PTPRN2: variants seen among roughly 807,000 people sequenced by gnomAD.
The protein encoded by PTPRN2 is protein tyrosine phosphatase receptor type N2.
A neutral mutation model predicts 118.8 loss-of-function variants in PTPRN2; 74 were observed. That is an observed-to-expected ratio of 0.62 (90% CI 0.52 to 0.76). The LOEUF (loss-of-function observed/expected upper bound fraction) is 0.76. Among genes scored for constraint, PTPRN2 ranks in the 30% least tolerant of loss-of-function variants. The probability of loss-of-function intolerance (pLI) is 0.00; values close to 1 mark genes in which losing one functional copy is unlikely to be tolerated. For synonymous variants in PTPRN2, 641 were observed against 608.0 expected, an observed-to-expected ratio of 1.05 and a Z score of -0.80; for missense variants, 1,481 against 1,394.4, an observed-to-expected ratio of 1.06 and a Z score of -0.99.
chr7:158,114,145 G>A (rs1816535752), intron 9 of PTPRN2, among the ~76,000 whole-genome samples: 1 of 152,212 alleles, frequency 6.6e-6, no homozygotes, highest in Non-Finnish European at 1.5e-5. Flanking sequence ...TTACAGCAAT[G>A]GAAAGGTGAG....
chr7:157,545,048 G>A (rs994790552), intron 22 of PTPRN2, among the ~76,000 whole-genome samples: 13 of 149,572 alleles, frequency 8.7e-5, no homozygotes, highest in African/African-American at 3.0e-4. Context: ...CTGTGGAGGT[G>A]TGTGGGTGTG....
intron 15 of PTPRN2, chr7:157,616,552 C>T (rs1802785476): frequency 6.6e-6 from 1 of 152,206 alleles, no homozygotes; most frequent in Admixed American, 6.5e-5. Flanking sequence ...CTTTCCAACA[C>T]CAACAAACCG....
Position 158,022,013 on chromosome 7 carries a change from T to C in PTPRN2, c.1723+59285A>G, listed in dbSNP as rs377520623. Among the ~76,000 whole-genome samples the C allele has an allele frequency of 2.3e-4, 35 of 152,138 alleles. 1 individual carries two copies. The highest frequency in any genetic ancestry group is 8.4e-4 in the African/African-American group (35 of 41,518). ...TGGCTGAGCCGGGCAGCCTCGCCCA[T>C]CCACCATGAGGCGAGACCCCACACT... On this transcript the variant is annotated intron_variant, in intron 11 of 22. Transcript: ENST00000389418. This position sits in a 1 kb window ranked among gnomAD's most constrained non-coding sequence, Gnocchi z 4.6.
chr7:158,416,458 T>G (rs573961291), intron 2 of PTPRN2, among the ~76,000 whole-genome samples: 1 of 152,310 alleles, frequency 6.6e-6, no homozygotes, highest in East Asian at 1.9e-4. Flanking sequence ...TTAACAGCCA[T>G]GTGGGATTGG....
chr7:158,164,047 A>T (rs1484575964), intron 6 of PTPRN2, among the ~76,000 whole-genome samples: 1 of 152,232 alleles, frequency 6.6e-6, no homozygotes, highest in East Asian at 1.9e-4. Flanking sequence ...AGGGTAGCTC[A>T]GGAAGAATGC....
chr7:157,604,164 C>G (rs1344476697), intron 15 of PTPRN2, 89 bp from the exon 16 acceptor site: 1 of 1,183,364 alleles, frequency 8.5e-7, no homozygotes, highest in Non-Finnish European at 1.2e-6. Context: ...CCCCACCCAG[C>G]AGCACAGGAC....
rs940627380 is a variant in PTPRN2, at chr7:157,861,439, C to T, written c.1788+37234G>A. ...GAGGTGCAACATGCAGCTGGTGATG[C>T]CCTGTGGCATCTGCCTCCTGCCCTC... On this transcript the variant is annotated intron_variant, in intron 12 of 22. Coordinates refer to ENST00000389418, the MANE Select transcript of PTPRN2 (RefSeq NM_002847.5). The surrounding 1 kb of genome is among the most constrained non-coding windows in gnomAD (Gnocchi z 5.8). 6.6e-6 allele frequency among the ~76,000 whole-genome samples: 1 copy of T among 152,216 alleles called. No homozygotes were observed. Among genetic ancestry groups the T allele is most frequent in the African/African-American group, 2.4e-5 (1 of 41,456 alleles).
intron 2 of PTPRN2, among the ~76,000 whole-genome samples, chr7:158,375,994 C>A (rs938603296): frequency 1.3e-5 from 2 of 152,176 alleles, no homozygotes; most frequent in African/African-American, 4.8e-5. Flanking sequence ...CAGATAAGAA[C>A]CTGGGTATCA....
chr7:158,487,130 C>T (rs1821089887), intron 2 of PTPRN2, among the ~76,000 whole-genome samples: 1 of 152,234 alleles, frequency 6.6e-6, no homozygotes, highest in Non-Finnish European at 1.5e-5. Context: ...AGGCTGCGTA[C>T]TATTCCATCA....
rs1563576815 is a variant in PTPRN2 at position 158,188,275 on chromosome 7, T to TACTGGGAAGGCCGCCACGCTCGCCCCGCG, written c.549+4051_549+4052insCGCGGGGCGAGCGTGGCGGCCTTCCCAGT. ...GGAAGGCCGCCACGCTCGCCCCCTG[T>TACTGGGAAGGCCGCCACGCTCGCCCCGCG]ATGGGGAAGGCCGCCACGCTCGCCC... On this transcript the variant is annotated intron_variant, in intron 5 of 22. Coordinates refer to ENST00000389418, the MANE Select transcript of PTPRN2 (RefSeq NM_002847.5). Among the ~76,000 whole-genome samples, 45 of 44,278 alleles carry TACTGGGAAGGCCGCCACGCTCGCCCCGCG rather than the reference T, an allele frequency of 1.0e-3. 9 individuals are homozygous for TACTGGGAAGGCCGCCACGCTCGCCCCGCG. Among genetic ancestry groups the TACTGGGAAGGCCGCCACGCTCGCCCCGCG allele is most frequent in the Admixed American group, 2.2e-3 (8 of 3,630 alleles). The allele number at this position is 44,278 out of a possible 152,430, so 29.0% of individuals were successfully genotyped here.
At chr7:158,336,840 T>TCG (rs1805659480) in intron 2 of PTPRN2, among the ~76,000 whole-genome samples, 1 of 88,920 alleles carries the variant, frequency 1.1e-5, no homozygotes, top group Non-Finnish European at 2.5e-5. Context: ...CAGACGTCAC[T>TCG]CACCCACACT....
At chr7:157,963,238 C>G (rs956172134) in intron 11 of PTPRN2, among the ~76,000 whole-genome samples, 2 of 152,236 alleles carry the variant, frequency 1.3e-5, no homozygotes, top group Non-Finnish European at 2.9e-5. Flanking sequence ...TCCTTTCCTT[C>G]CTGTGTGCAC....
chr7:158,560,825 G>A (rs1437889589), intron 1 of PTPRN2, among the ~76,000 whole-genome samples: 1 of 152,246 alleles, frequency 6.6e-6, no homozygotes, highest in East Asian at 1.9e-4. Context: ...TTTAAAAGAA[G>A]GCAGCTGTCC....
intron 2 of PTPRN2, among the ~76,000 whole-genome samples, chr7:158,320,585 C>T (rs562409535): frequency 1.0e-3 from 153 of 152,222 alleles, no homozygotes; most frequent in African/African-American, 3.1e-3. Context: ...CCCACGTCCT[C>T]GGCAGCGCTG....
intron 1 of PTPRN2, among the ~76,000 whole-genome samples, chr7:158,523,393 C>CCTCTGCCCTGGAGT (rs1563392208): frequency 1.9e-5 from 2 of 104,908 alleles, no homozygotes; most frequent in East Asian, 4.2e-4. Context: ...TGCCCTGGAG[C>CCTCTGCCCTGGAGT]GGAGTCATCT....
chr7:157,697,822 T>G (rs1183835581), intron 12 of PTPRN2, among the ~76,000 whole-genome samples: 1 of 141,646 alleles, frequency 7.1e-6, no homozygotes, highest in East Asian at 2.3e-4. Flanking sequence ...CGCAGAGCCC[T>G]CACTGTCTAC....
chr7:158,557,254 G>A (rs1464861145), intron 1 of PTPRN2, among the ~76,000 whole-genome samples: 1 of 136,554 alleles, frequency 7.3e-6, no homozygotes, highest in Non-Finnish European at 1.5e-5. Flanking sequence ...TCACTCCCAG[G>A]CAGGTGGCTC....
chr7:157,856,832 C>CT (rs974970703), intron 12 of PTPRN2, among the ~76,000 whole-genome samples: 1 of 152,100 alleles, frequency 6.6e-6, no homozygotes, highest in Non-Finnish European at 1.5e-5. Flanking sequence ...ATTTTTAAAA[C>CT]TTTTTTTGAC....
At chr7:158,190,895 C>T (rs1825708416) in intron 5 of PTPRN2, among the ~76,000 whole-genome samples, 1 of 152,256 alleles carries the variant, frequency 6.6e-6, no homozygotes, top group Non-Finnish European at 1.5e-5. Context: ...GATGGCTGCC[C>T]AGGAGCTGCC....
Sources: allele counts gnomAD v4.1 joint callset (sites outside exome capture counted in the v4.1 genomes callset), GRCh38; gene constraint gnomAD v4.1.1; non-coding constraint Gnocchi (gnomAD v3.1); transcripts MANE v1.5; gene names NCBI Gene and HGNC (gene_info 2026-07-23, HGNC 2026-07-21).